GRAMD2B: variants seen among roughly 807,000 people sequenced by gnomAD.
GRAMD2B encodes the protein GRAM domain-containing protein 2B.
GRAMD2B carries 41 observed loss-of-function variants against 59.2 expected under a neutral mutation model. The observed-to-expected ratio is 0.69, with a 90% CI of 0.54 to 0.90. GRAMD2B has a LOEUF of 0.90. Ranked by LOEUF, GRAMD2B falls within the 40% of genes least tolerant of loss-of-function variation. The probability of loss-of-function intolerance (pLI) is 0.00; values close to 1 mark genes in which losing one functional copy is unlikely to be tolerated. For missense variants in GRAMD2B, 424 were observed against 500.5 expected, an observed-to-expected ratio of 0.85 and a Z score of 1.46; for synonymous variants, 161 against 182.7, an observed-to-expected ratio of 0.88 and a Z score of 0.96.
intron 1 of GRAMD2B, among the ~76,000 whole-genome samples, chr5:126,450,823 A>G (rs1765218662): frequency 6.6e-6 from 1 of 152,188 alleles, no homozygotes; most frequent in Admixed American, 6.5e-5. Flanking sequence ...CACAGAATGC[A>G]AGAGTGAAGA....
intron 1 of GRAMD2B, among the ~76,000 whole-genome samples, chr5:126,439,846 T>G (rs949442352): frequency 2.0e-4 from 31 of 152,172 alleles, no homozygotes; most frequent in African/African-American, 7.0e-4. Flanking sequence ...TTTCCCATGC[T>G]GTTCTCATGG....
intron 1 of GRAMD2B, among the ~76,000 whole-genome samples, chr5:126,460,958 A>G (rs1226266026): frequency 6.6e-6 from 1 of 152,238 alleles, no homozygotes; most frequent in African/African-American, 2.4e-5. Context: ...ATAATTGTAG[A>G]TGTAAAACTA....
chr5:126,487,484 C>T (rs1033770745), intron 12 of GRAMD2B, among the ~76,000 whole-genome samples: 6 of 152,112 alleles, frequency 3.9e-5, no homozygotes, highest in Non-Finnish European at 4.4e-5. Context: ...TTTAACATGC[C>T]TGGCCTAATT....
chr5:126,484,505 C>T lies in GRAMD2B; in HGVS notation c.951C>T (p.Ala317=). 6.2e-7 allele frequency: 1 copy of T among 1,613,888 alleles called. No individual in the cohort carries two copies. Among genetic ancestry groups the T allele is most frequent in the Non-Finnish European group, 8.5e-7 (1 of 1,179,966 alleles). The change falls in exon 10 of 14, where the codon GCC becomes GCT. Residue 317 remains alanine (A), a synonymous_variant. Transcript: ENST00000285689. ...AHVNRVPEGK[A]KSLPVQGLSE... ...TGAACAGAGTACCTGAAGGAAAAGC[C>T]AAGAGTCTCCCTGTACAGGGTAAGG...
chr5:126,437,545 A>G (rs1157866626), intron 1 of GRAMD2B, among the ~76,000 whole-genome samples: 1 of 152,198 alleles, frequency 6.6e-6, no homozygotes, highest in Non-Finnish European at 1.5e-5. Context: ...CACTAACAAG[A>G]GTAGGAAACT....
At chr5:126,423,266 G>A (rs1759949989), upstream of GRAMD2B, 23 of 1,136,302 alleles carry the variant, frequency 2.0e-5, no homozygotes, top group Non-Finnish European at 2.4e-5. Flanking sequence ...CACCTGCTTG[G>A]CCAATTAGCT....
intron 4 of GRAMD2B, 51 bp downstream of exon 4, chr5:126,472,355 C>T: frequency 6.8e-7 from 1 of 1,476,410 alleles, no homozygotes; most frequent in Non-Finnish European, 9.5e-7. Flanking sequence ...AAAAGTTGAT[C>T]ATTAGTTTTG....
At chr5:126,381,703 G>A (rs887074249) in intron 1 of GRAMD2B, among the ~76,000 whole-genome samples, 6 of 152,036 alleles carry the variant, frequency 3.9e-5, no homozygotes, top group East Asian at 1.9e-4. Context: ...TTAGTATTGC[G>A]ATGTGAGGTA....
upstream of GRAMD2B, among the ~76,000 whole-genome samples, chr5:126,370,343 T>G (rs1290465946): frequency 6.6e-6 from 1 of 152,222 alleles, no homozygotes; most frequent in Admixed American, 6.5e-5. Context: ...AAAGGTTTGC[T>G]TTGATTTCCC....
rs117189812 is a variant in GRAMD2B, at chr5:126,442,719, G to A, written c.83+19030G>A. Among the ~76,000 whole-genome samples, 59 of 152,108 alleles carry A rather than the reference G, an allele frequency of 3.9e-4. 1 individual carries two copies. The East Asian group carries it at 0.011, about 28-fold the overall frequency. ...AATCTGGTCTAGTTTAAGGTACCACGTACAACTGGTGTCTCTAAATTAAAT... is the reference window on the plus strand; with the variant it reads ...AATCTGGTCTAGTTTAAGGTACCACATACAACTGGTGTCTCTAAATTAAAT... On this transcript the variant is annotated intron_variant, in intron 1 of 13. Coordinates refer to ENST00000285689, the MANE Select transcript of GRAMD2B (RefSeq NM_023927.4).
chr5:126,430,653 AAG>A (rs2149799548), intron 1 of GRAMD2B, among the ~76,000 whole-genome samples: 1 of 152,298 alleles, frequency 6.6e-6, no homozygotes, highest in East Asian at 1.9e-4. Flanking sequence ...ATCTTTTACT[AAG>A]CCTTTTACTC....
chr5:126,486,847 A>G (rs1353982364), intron 11 of GRAMD2B, 26 bp from the exon 12 acceptor site: 2 of 1,457,864 alleles, frequency 1.4e-6, no homozygotes, highest in Admixed American at 1.7e-5. Context: ...TAACCTAACG[A>G]AAGTTTCTCT....
chr5:126,388,058 G>C (rs1756340551), intron 1 of GRAMD2B, among the ~76,000 whole-genome samples: 1 of 152,064 alleles, frequency 6.6e-6, no homozygotes, highest in Non-Finnish European at 1.5e-5. Flanking sequence ...TGTCCCAGTT[G>C]CTACTGCTGT....
chr5:126,392,266 G>A (rs1478773950), intron 1 of GRAMD2B, among the ~76,000 whole-genome samples: 8 of 152,086 alleles, frequency 5.3e-5, no homozygotes, highest in Admixed American at 3.9e-4. Context: ...ACCATTATTC[G>A]ACTCATGGCT....
At chr5:126,492,028 C>T (rs960216205) in intron 13 of GRAMD2B, among the ~76,000 whole-genome samples, 3 of 152,172 alleles carry the variant, frequency 2.0e-5, no homozygotes, top group African/African-American at 4.8e-5. Flanking sequence ...CCACAGCACC[C>T]GGCTTCTATG....
At chr5:126,431,277 A>G (rs1179157824) in intron 1 of GRAMD2B, among the ~76,000 whole-genome samples, 1 of 152,216 alleles carries the variant, frequency 6.6e-6, no homozygotes, top group African/African-American at 2.4e-5. Flanking sequence ...AAGTGTGATC[A>G]CACAGTATCT....
chr5:126,481,210 AGAAAGAAAGAAAGAAAG>A (rs1561598756), intron 8 of GRAMD2B, among the ~76,000 whole-genome samples: 31 of 12,118 alleles, frequency 2.6e-3, no homozygotes, highest in African/African-American at 5.9e-3. Flanking sequence ...AAAAAAAGAA[AGAAAGAAAGAAAGAAAG>A]AAAGAAAGAA....
intron 1 of GRAMD2B, among the ~76,000 whole-genome samples, chr5:126,374,137 T>C (rs1754991054): frequency 6.6e-6 from 1 of 152,240 alleles, no homozygotes; most frequent in South Asian, 2.1e-4. Context: ...ATTATGAACA[T>C]GATTAACTTT....
chr5:126,426,889 C>A (rs1006966439), intron 1 of GRAMD2B, among the ~76,000 whole-genome samples: 1 of 152,186 alleles, frequency 6.6e-6, no homozygotes. Context: ...ACACTCATCA[C>A]CGAACTGCAT....
Sources: gnomAD v4.1 joint callset for allele counts (sites outside exome capture counted in the v4.1 genomes callset) on GRCh38, gnomAD v4.1.1 for gene constraint, MANE v1.5 for transcripts, NCBI Gene and HGNC (gene_info 2026-07-23, HGNC 2026-07-21) for gene names.